The following PRKN variants were observed in gnomAD, a reference collection of about 807,000 sequenced individuals.
The protein encoded by PRKN is parkin RBR E3 ubiquitin protein ligase.
Under a neutral mutation model 59.5 loss-of-function variants are expected in PRKN, and 56 were observed. The ratio of observed to expected loss-of-function variants is 0.94; its 90% CI spans 0.76 to 1.18. PRKN has a LOEUF of 1.18. PRKN is among the 50% of genes most tolerant of loss of function. The probability of loss-of-function intolerance (pLI) is 0.00; values close to 1 mark genes in which losing one functional copy is unlikely to be tolerated. For missense variants in PRKN, 657 were observed against 596.4 expected, an observed-to-expected ratio of 1.10 and a Z score of -1.06; for synonymous variants, 250 against 222.1, an observed-to-expected ratio of 1.13 and a Z score of -1.12.
chr6:162,123,725 G>GAA (rs754454089), intron 4 of PRKN, among the ~76,000 whole-genome samples: 2 of 152,168 alleles, frequency 1.3e-5, no homozygotes, highest in Non-Finnish European at 2.9e-5. Flanking sequence ...TTATGAAAAG[G>GAA]AAGTTTGAGT....
At chr6:161,693,675 T>C (rs9365319) in intron 7 of PRKN, among the ~76,000 whole-genome samples, 126,604 of 152,136 alleles carry the variant, frequency 0.83, 52,785 homozygotes, top group Admixed American at 0.87. Flanking sequence ...ATTCTAATTT[T>C]CCCCAATGTA....
At chr6:162,189,962 T>C (rs1784202706) in intron 4 of PRKN, among the ~76,000 whole-genome samples, 1 of 152,118 alleles carries the variant, frequency 6.6e-6, no homozygotes, top group South Asian at 2.1e-4. Flanking sequence ...TAAATTAATA[T>C]GAAATTCTGT....
At chr6:162,575,275 A>G (rs1284438858) in intron 1 of PRKN, among the ~76,000 whole-genome samples, 2 of 152,100 alleles carry the variant, frequency 1.3e-5, no homozygotes, top group Non-Finnish European at 2.9e-5. Context: ...TCACCTCTTC[A>G]TTGCTTCAGA....
chr6:162,335,098 C>T (rs570625719), intron 2 of PRKN, among the ~76,000 whole-genome samples: 3 of 152,254 alleles, frequency 2.0e-5, no homozygotes, highest in Admixed American at 6.5e-5. Context: ...ACTGTAACCT[C>T]CGCCTCCTGG....
intron 9 of PRKN, among the ~76,000 whole-genome samples, chr6:161,472,778 A>G (rs1790857410): frequency 6.6e-6 from 1 of 152,248 alleles, no homozygotes; most frequent in South Asian, 2.1e-4. Context: ...TCCAAAATGT[A>G]AAATAAATGC....
intron 4 of PRKN, among the ~76,000 whole-genome samples, chr6:162,142,243 C>T (rs769635867): frequency 1.5e-4 from 23 of 152,238 alleles, no homozygotes; most frequent in Admixed American, 3.3e-4. Context: ...ATGGGGTTAC[C>T]TGCACCAGAG....
rs2115380250 is a variant in PRKN at position 161,529,835 on chromosome 6, A to C, written c.1083+19019T>G. On this transcript the variant is annotated intron_variant, in intron 9 of 11. Coordinates refer to ENST00000366898, the MANE Select transcript of PRKN (RefSeq NM_004562.3). The surrounding 1 kb of genome is among the most constrained non-coding windows in gnomAD (Gnocchi z 4.4). Reference sequence around the variant, plus strand: ...TCTCACATTTGAGAAGTGGAGATTTAATTGCTTACATTTTGATGATGAAGA... The same window carrying C: ...TCTCACATTTGAGAAGTGGAGATTTCATTGCTTACATTTTGATGATGAAGA... Among the ~76,000 whole-genome samples, 1 of 152,314 alleles carries C rather than the reference A, an allele frequency of 6.6e-6. No homozygotes were observed. The highest frequency in any genetic ancestry group is 1.9e-4 in the East Asian group (1 of 5,176).
intron 6 of PRKN, among the ~76,000 whole-genome samples, chr6:161,800,420 T>C (rs900809967): frequency 6.6e-6 from 1 of 152,250 alleles, no homozygotes; most frequent in African/African-American, 2.4e-5. Flanking sequence ...AAATGAACCC[T>C]TTCTGGTTCT....
At chr6:162,512,834 T>C (rs1777688576) in intron 1 of PRKN, among the ~76,000 whole-genome samples, 1 of 152,182 alleles carries the variant, frequency 6.6e-6, no homozygotes, top group Non-Finnish European at 1.5e-5. Flanking sequence ...CATTTACTTA[T>C]TTTTCCTGAA....
In PRKN at chr6:162,390,270, T is replaced by C. The variant is rs1221437128; in HGVS notation, c.171+53040A>G. On this transcript the variant is annotated intron_variant, in intron 2 of 11. Transcript: ENST00000366898. ...AATAGTGAAAAATAATAATAATCAG[T>C]TTGTACCTAAATTTCTTTAAAGAAA... Among the ~76,000 whole-genome samples the C allele has an allele frequency of 2.6e-5, 4 of 151,466 alleles. No individual in the cohort carries two copies. In the East Asian group the frequency reaches 5.8e-4, roughly 22 times the overall value.
intron 2 of PRKN, among the ~76,000 whole-genome samples, chr6:162,340,238 C>T (rs1009283064): frequency 2.6e-5 from 4 of 151,762 alleles, no homozygotes; most frequent in Admixed American, 2.0e-4. Flanking sequence ...TGCATTTTGT[C>T]CCAATTACTC....
At chr6:161,569,540 G>T in intron 7 of PRKN, 124 bp from the exon 8 acceptor site, 1 of 820,504 alleles carries the variant, frequency 1.2e-6, no homozygotes, top group Non-Finnish European at 2.1e-6. Context: ...ACGTGTACCT[G>T]AAAAACACAC....
At chr6:162,279,858 G>A (rs1780807231) in intron 2 of PRKN, among the ~76,000 whole-genome samples, 5 of 152,166 alleles carry the variant, frequency 3.3e-5, no homozygotes, top group Admixed American at 1.3e-4. Context: ...GGGTGCTGCT[G>A]TATTGGGTGC....
intron 1 of PRKN, among the ~76,000 whole-genome samples, chr6:162,715,516 T>A (rs1433515451): frequency 1.3e-5 from 2 of 152,202 alleles, no homozygotes; most frequent in Non-Finnish European, 2.9e-5. Context: ...AGTTTAAAGA[T>A]CCTAAGTGGG....
rs939604830 is a variant in PRKN at position 162,148,353 on chromosome 6, G to A, written c.534+52778C>T. Among the ~76,000 whole-genome samples the A allele has an allele frequency of 7.6e-5, 11 of 144,052 alleles. No homozygotes were observed. In the East Asian group the frequency reaches 1.5e-3, roughly 19 times the overall value. 94.5% of individuals were successfully genotyped at this position (144,052 alleles called of 152,430 possible). ...GCTGATGACTTCTGAATTCACCAGCGTTTGGGTTTCCACGCCTAAGAGCTT... is the reference window on the plus strand; with the variant it reads ...GCTGATGACTTCTGAATTCACCAGCATTTGGGTTTCCACGCCTAAGAGCTT... On this transcript the variant is annotated intron_variant, in intron 4 of 11. Transcript: ENST00000366898.
chr6:162,437,383 G>A (rs1314143313), intron 2 of PRKN, among the ~76,000 whole-genome samples: 1 of 152,062 alleles, frequency 6.6e-6, no homozygotes, highest in Non-Finnish European at 1.5e-5. Flanking sequence ...ATATTAAAAT[G>A]CTTACACATT....
intron 2 of PRKN, among the ~76,000 whole-genome samples, chr6:162,416,399 GTC>G (rs1466029080): frequency 3.9e-5 from 6 of 152,168 alleles, no homozygotes; most frequent in African/African-American, 1.4e-4. Flanking sequence ...TTCTGATCAA[GTC>G]TATTCGGTCT....
At chr6:162,401,132 C>T (rs1787772856) in intron 2 of PRKN, among the ~76,000 whole-genome samples, 1 of 151,492 alleles carries the variant, frequency 6.6e-6, no homozygotes, top group Non-Finnish European at 1.5e-5. Context: ...TGTTTTCATG[C>T]CAAAATGTGG....
Position 162,387,975 on chromosome 6 carries a change from G to A in PRKN, c.171+55335C>T, listed in dbSNP as rs955348016. ...CACAACAGTGAACGTGACAGACAAG[G>A]TCCTTGTAAAACACACGGTCTCGTG... On this transcript the variant is annotated intron_variant, in intron 2 of 11. Transcript: ENST00000366898. Among the ~76,000 whole-genome samples the A allele has an allele frequency of 3.3e-5, 5 of 152,126 alleles. 1 individual carries two copies. Among genetic ancestry groups the A allele is most frequent in the Non-Finnish European group, 7.4e-5 (5 of 68,024 alleles).
Sources: allele counts gnomAD v4.1 joint callset (sites outside exome capture counted in the v4.1 genomes callset), GRCh38; gene constraint gnomAD v4.1.1; non-coding constraint Gnocchi (gnomAD v3.1); transcripts MANE v1.5; gene names NCBI Gene and HGNC (gene_info 2026-07-23, HGNC 2026-07-21).